The following GMDS variants were observed in gnomAD, a reference collection of about 807,000 sequenced individuals.
GMDS encodes GDP-mannose 4,6-dehydratase.
GMDS carries 20 observed loss-of-function variants against 49.9 expected under a neutral mutation model. That is an observed-to-expected ratio of 0.40 (90% CI 0.28 to 0.58). The LOEUF is 0.58. Ranked by LOEUF, GMDS falls within the 20% of genes least tolerant of loss-of-function variation. The pLI is 0.42. For missense variants in GMDS, 362 were observed against 481.4 expected, an observed-to-expected ratio of 0.75 and a Z score of 2.32; for synonymous variants, 177 against 178.6, an observed-to-expected ratio of 0.99 and a Z score of 0.07.
At chr6:1,911,958 T>A (rs949738589) in intron 7 of GMDS, among the ~76,000 whole-genome samples, 1 of 152,186 alleles carries the variant, frequency 6.6e-6, no homozygotes, top group African/African-American at 2.4e-5. Flanking sequence ...CTCTAAACTC[T>A]TCATAAAAAA....
chr6:1,841,627 TAAC>T (rs1340861329), intron 7 of GMDS, among the ~76,000 whole-genome samples: 2 of 152,280 alleles, frequency 1.3e-5, no homozygotes, highest in African/African-American at 4.8e-5. Flanking sequence ...CACAACAAAT[TAAC>T]AATATTTTGC....
chr6:1,907,130 C>T (rs1021387682), intron 7 of GMDS, among the ~76,000 whole-genome samples: 2 of 152,132 alleles, frequency 1.3e-5, no homozygotes, highest in Non-Finnish European at 2.9e-5. Context: ...TTTGCTGTTT[C>T]GCATGTGTAA....
intron 7 of GMDS, among the ~76,000 whole-genome samples, chr6:1,806,704 T>C (rs992542148): frequency 2.0e-5 from 3 of 152,228 alleles, no homozygotes; most frequent in Non-Finnish European, 4.4e-5. Context: ...AGAGGCTCTG[T>C]TGATATTTTC....
intron 4 of GMDS, among the ~76,000 whole-genome samples, chr6:2,010,411 T>C (rs1767490159): frequency 6.8e-6 from 1 of 145,988 alleles, no homozygotes; most frequent in Non-Finnish European, 1.5e-5. Context: ...ATAGCAAAAA[T>C]GTTGCAAACA....
intron 7 of GMDS, among the ~76,000 whole-genome samples, chr6:1,768,645 G>A (rs564723040): frequency 6.2e-4 from 95 of 152,316 alleles, no homozygotes; most frequent in South Asian, 1.0e-3. Context: ...CTGACTTAAC[G>A]TCCAAAGGAC....
intron 9 of GMDS, among the ~76,000 whole-genome samples, chr6:1,661,889 GA>G (rs1410377765): frequency 6.6e-6 from 1 of 152,188 alleles, no homozygotes; most frequent in Non-Finnish European, 1.5e-5. Flanking sequence ...TGAGGGGGCA[GA>G]AAATGGAGGA....
At chr6:1,735,116 C>G (rs1766957572) in intron 8 of GMDS, among the ~76,000 whole-genome samples, 1 of 152,204 alleles carries the variant, frequency 6.6e-6, no homozygotes, top group African/African-American at 2.4e-5. Context: ...CAGAGGCTTC[C>G]TGAGGGGCCA....
At chr6:1,888,760 A>G (rs1438595091) in intron 7 of GMDS, among the ~76,000 whole-genome samples, 1 of 152,178 alleles carries the variant, frequency 6.6e-6, no homozygotes, top group African/African-American at 2.4e-5. Context: ...TGCAAAATCT[A>G]AAGCAAGTTA....
Position 2,243,840 on chromosome 6 carries a change from CTTCTT to C in GMDS, c.102+1476_102+1480del, listed in dbSNP as rs1464650800. On this transcript the variant is annotated intron_variant, in intron 1 of 10. Coordinates refer to ENST00000380815, the MANE Select transcript of GMDS (RefSeq NM_001500.4). ...TGCATCTGGCCAATTTCAACTTCTC[CTTCTT>C]TTTTTTTTTTTTTTTTTTTTTTTTT... Among the ~76,000 whole-genome samples the C allele has an allele frequency of 1.3e-3, 163 of 127,124 alleles. 2 individuals carry two copies. The highest frequency in any genetic ancestry group is 5.1e-3 in the African/African-American group (149 of 29,192). 83.4% of individuals were successfully genotyped at this position (127,124 alleles called of 152,430 possible). A position where few individuals can be genotyped will look rare whatever the true frequency, so the allele number is the denominator to read the frequency against.
intron 7 of GMDS, among the ~76,000 whole-genome samples, chr6:1,845,611 C>T (rs1309123287): frequency 6.6e-6 from 1 of 152,182 alleles, no homozygotes; most frequent in Admixed American, 6.5e-5. Flanking sequence ...TCCTTTTTGG[C>T]ACCAGGGACT....
chr6:1,783,884 T>C (rs1425476958), intron 7 of GMDS, among the ~76,000 whole-genome samples: 3 of 152,132 alleles, frequency 2.0e-5, no homozygotes, highest in Non-Finnish European at 4.4e-5. Flanking sequence ...TGAAGGTTAC[T>C]CTGGGTGACT....
At chr6:1,867,481 T>C (rs1758495319) in intron 7 of GMDS, among the ~76,000 whole-genome samples, 1 of 152,134 alleles carries the variant, frequency 6.6e-6, no homozygotes, top group African/African-American at 2.4e-5. Flanking sequence ...TTTGTACAAA[T>C]CTAGAATCCA....
At chr6:1,877,989 T>A (rs1581292569) in intron 7 of GMDS, among the ~76,000 whole-genome samples, 1 of 152,166 alleles carries the variant, frequency 6.6e-6, no homozygotes, top group African/African-American at 2.4e-5. Flanking sequence ...TGAGGAGATG[T>A]AACATATAAC....
chr6:2,109,299 C>T (rs1176224284), intron 4 of GMDS, among the ~76,000 whole-genome samples: 3 of 152,114 alleles, frequency 2.0e-5, no homozygotes, highest in Non-Finnish European at 4.4e-5. Context: ...GGTCCAATCC[C>T]AGGAGAGATA....
At chr6:1,752,020 G>A (rs1279519578) in intron 7 of GMDS, among the ~76,000 whole-genome samples, 1 of 152,156 alleles carries the variant, frequency 6.6e-6, no homozygotes, top group Non-Finnish European at 1.5e-5. Context: ...GAACAAAACT[G>A]GACAGAGAAT....
At chr6:2,146,375 G>A (rs1016435394) in intron 1 of GMDS, among the ~76,000 whole-genome samples, 3 of 152,182 alleles carry the variant, frequency 2.0e-5, no homozygotes, top group Admixed American at 6.5e-5. Flanking sequence ...AAAGTCAACA[G>A]TTACAGGGCA....
At chr6:2,112,623 GA>G (rs1357519913) in intron 4 of GMDS, among the ~76,000 whole-genome samples, 4 of 152,006 alleles carry the variant, frequency 2.6e-5, no homozygotes, top group Non-Finnish European at 5.9e-5. Flanking sequence ...AAAATTTCTG[GA>G]AAAAAATGCA....
intron 7 of GMDS, among the ~76,000 whole-genome samples, chr6:1,924,465 C>A (rs546610446): frequency 9.8e-4 from 150 of 152,310 alleles, no homozygotes; most frequent in South Asian, 2.1e-3. Context: ...TCTTGATTAA[C>A]CCTGTCTCCC....
At chr6:1,716,723 G>T (rs530560099) in intron 9 of GMDS, among the ~76,000 whole-genome samples, 1 of 152,072 alleles carries the variant, frequency 6.6e-6, no homozygotes, top group African/African-American at 2.4e-5. Flanking sequence ...CTGTTCATGC[G>T]GCTGGTTCAT....
Sources: allele counts gnomAD v4.1 joint callset (sites outside exome capture counted in the v4.1 genomes callset), GRCh38; gene constraint gnomAD v4.1.1; transcripts MANE v1.5; gene names NCBI Gene and HGNC (gene_info 2026-07-23, HGNC 2026-07-21).